Variants in CSMD3 observed in about 807,000 individuals in gnomAD.
CSMD3 encodes CUB and sushi domain-containing protein 3.
In CSMD3, 177 loss-of-function variants were observed where a neutral mutation model predicts 435.2. The observed-to-expected ratio is 0.41, with a 90% CI of 0.36 to 0.46. The LOEUF is 0.46. Ranked by LOEUF, CSMD3 falls within the 20% of genes least tolerant of loss-of-function variation. The pLI, the probability that CSMD3 is intolerant of heterozygous loss-of-function variation, is 0.34. For synonymous variants in CSMD3, 1,656 were observed against 1,520.5 expected (o/e 1.09, Z -2.07); for missense variants, 4,265 against 4,504.6 (o/e 0.95, Z 1.52).
chr8:112,258,164 A>G (rs1358459503), intron 61 of CSMD3, among the ~76,000 whole-genome samples: 1 of 152,204 alleles, frequency 6.6e-6, no homozygotes, highest in Non-Finnish European at 1.5e-5. Flanking sequence ...GTAAGACCTA[A>G]AACATAAAAA....
intron 9 of CSMD3, among the ~76,000 whole-genome samples, chr8:112,940,317 A>C (rs1399282379): frequency 1.3e-5 from 2 of 151,802 alleles, no homozygotes; most frequent in Non-Finnish European, 2.9e-5. Flanking sequence ...AGAGAAGCCC[A>C]AATTTATGTT....
chr8:112,401,120 G>T (rs1831302044), intron 35 of CSMD3, among the ~76,000 whole-genome samples: 1 of 151,996 alleles, frequency 6.6e-6, no homozygotes, highest in African/African-American at 2.4e-5. Flanking sequence ...GAGGTGGGAG[G>T]ATTGTTTGAA....
chr8:112,296,501 G>C (rs1820290289), intron 53 of CSMD3, among the ~76,000 whole-genome samples: 1 of 151,310 alleles, frequency 6.6e-6, no homozygotes. Context: ...AGTGAGCGCA[G>C]ATCGCGCCAC....
chr8:112,802,048 C>T (rs140963610), intron 12 of CSMD3, among the ~76,000 whole-genome samples: 1 of 152,022 alleles, frequency 6.6e-6, no homozygotes, highest in African/African-American at 2.4e-5. Context: ...ACTAACTTAT[C>T]CTATTGCCCT....
chr8:113,423,623 AAAG>A (rs768437445), intron 1 of CSMD3, among the ~76,000 whole-genome samples: 8 of 152,108 alleles, frequency 5.3e-5, no homozygotes, highest in African/African-American at 1.9e-4. Context: ...ATACATAAAA[AAAG>A]AAGAATCTTA....
chr8:112,400,254 A>G (rs908396148), intron 35 of CSMD3, among the ~76,000 whole-genome samples: 10 of 152,154 alleles, frequency 6.6e-5, no homozygotes, highest in African/African-American at 2.4e-4. Flanking sequence ...TGGTTCATAG[A>G]CAGCTATTTT....
At chr8:112,867,364 G>C (rs2081012460) in intron 10 of CSMD3, among the ~76,000 whole-genome samples, 1 of 152,090 alleles carries the variant, frequency 6.6e-6, no homozygotes, top group African/African-American at 2.4e-5. Flanking sequence ...AAACAATCTT[G>C]AGAAAGAACA....
chr8:113,187,228 T>C lies in CSMD3; in HGVS notation c.515-13312A>G, dbSNP rs966260231. Among the ~76,000 whole-genome samples, 21 of 151,594 alleles carry C rather than the reference T, an allele frequency of 1.4e-4. 1 individual carries two copies. Among genetic ancestry groups the C allele is most frequent in the Non-Finnish European group, 2.9e-4 (20 of 67,864 alleles). Reference sequence around the variant, plus strand: ...TCACCTTTCAATGTGTCTGCATTCCTAATCCTTCTTGGTCATGTGATGCGA... The same window carrying C: ...TCACCTTTCAATGTGTCTGCATTCCCAATCCTTCTTGGTCATGTGATGCGA... On this transcript the variant is annotated intron_variant, in intron 3 of 70. Transcript: ENST00000297405.
chr8:112,458,947 A>G (rs1372466663), intron 32 of CSMD3, among the ~76,000 whole-genome samples: 2 of 152,000 alleles, frequency 1.3e-5, no homozygotes, highest in Admixed American at 6.6e-5. Context: ...GAATATTGAC[A>G]TACACACATA....
intron 1 of CSMD3, among the ~76,000 whole-genome samples, chr8:113,393,394 A>AT (rs1021109781): frequency 1.3e-5 from 2 of 152,118 alleles, no homozygotes; most frequent in African/African-American, 4.8e-5. Context: ...ACAAATAAAC[A>AT]TTTTTTAAAA....
intron 1 of CSMD3, among the ~76,000 whole-genome samples, chr8:113,335,275 T>G (rs79988843): frequency 0.03 from 4,507 of 152,130 alleles, 86 homozygotes; most frequent in Non-Finnish European, 0.04. Flanking sequence ...CAATTAAAAC[T>G]TTTTTCTTTA....
intron 3 of CSMD3, among the ~76,000 whole-genome samples, chr8:113,261,055 A>T (rs935540576): frequency 2.0e-5 from 3 of 152,156 alleles, no homozygotes; most frequent in African/African-American, 7.2e-5. Flanking sequence ...GTGTCTTTAC[A>T]GTGGAATGGA....
chr8:113,283,298 AC>A (rs1313965957), intron 2 of CSMD3, among the ~76,000 whole-genome samples: 1 of 152,088 alleles, frequency 6.6e-6, no homozygotes, highest in Admixed American at 6.6e-5. Context: ...TAAGCAGACA[AC>A]CCACAGAGTG....
In CSMD3 at chr8:112,289,496, A is replaced by G. The variant is rs1819547696; in HGVS notation, c.9017T>C (p.Leu3006Pro). Residue 3006 changes from leucine to proline, a missense_variant, in exon 57 of 71, where the codon CTG (leucine) becomes CCG (proline). Physicochemically the swap from Leu to Pro is moderately conservative, Grantham distance 98. Around this residue, in one of 3 missense-constraint regions of CSMD3, gnomAD observed 3,255 missense variants for 3,380.2 expected, o/e 0.96. Coordinates refer to ENST00000297405, the MANE Select transcript of CSMD3 (RefSeq NM_198123.2). ...CCCAAAAGTATACTTCTCGCCAGAC[A>G]GGACTGCATTAGGAGGAACGCCAGG... ...GHPGVPPNAVLSGEKYTFGST... is the reference protein window; with the variant it reads ...GHPGVPPNAVPSGEKYTFGST... 6.2e-7 allele frequency: 1 copy of G among 1,612,900 alleles called. No individual in the cohort carries two copies. Among genetic ancestry groups the G allele is most frequent in the Non-Finnish European group, 8.5e-7 (1 of 1,179,336 alleles).
At chr8:113,236,622 G>C (rs937006018) in intron 3 of CSMD3, among the ~76,000 whole-genome samples, 10 of 151,944 alleles carry the variant, frequency 6.6e-5, no homozygotes, top group Admixed American at 4.6e-4. Flanking sequence ...TAGACTAGGG[G>C]CTCTCCAGGT....
intron 10 of CSMD3, among the ~76,000 whole-genome samples, chr8:112,913,478 G>A (rs1315567397): frequency 6.6e-6 from 1 of 151,830 alleles, no homozygotes; most frequent in Non-Finnish European, 1.5e-5. Context: ...GTGCTGGGAG[G>A]CTTAGAGGAG....
intron 4 of CSMD3, among the ~76,000 whole-genome samples, chr8:113,115,354 T>C (rs764157630): frequency 1.1e-4 from 17 of 152,198 alleles, no homozygotes; most frequent in Non-Finnish European, 2.2e-4. Context: ...GTGAATAGCT[T>C]GATGAATTTT....
intron 1 of CSMD3, among the ~76,000 whole-genome samples, chr8:113,365,385 T>C (rs1451633671): frequency 6.6e-6 from 1 of 152,006 alleles, no homozygotes; most frequent in Non-Finnish European, 1.5e-5. Flanking sequence ...AAAAGTGTTA[T>C]TACAATAAGT....
At chr8:112,712,604 T>C (rs1441608424) in intron 13 of CSMD3, among the ~76,000 whole-genome samples, 2 of 152,090 alleles carry the variant, frequency 1.3e-5, no homozygotes, top group East Asian at 1.9e-4. Flanking sequence ...AATGTAATTA[T>C]TCTGGTTTTG....
Sources: allele counts gnomAD v4.1 joint callset (sites outside exome capture counted in the v4.1 genomes callset), GRCh38; gene constraint gnomAD v4.1.1; regional missense constraint gnomAD v4.1.1; transcripts MANE v1.5; gene names NCBI Gene and HGNC (gene_info 2026-07-23, HGNC 2026-07-21).